The following TMEM230 variants were observed in gnomAD, a reference collection of about 807,000 sequenced individuals.
The protein encoded by TMEM230 is UPF0414 transmembrane protein C20orf30.
Under a neutral mutation model 15.8 loss-of-function variants are expected in TMEM230, and 10 were observed. That is an observed-to-expected ratio of 0.63 (90% CI 0.39 to 1.07). The LOEUF (loss-of-function observed/expected upper bound fraction) is 1.07, where lower values mean the gene tolerates loss of function less well. Ranked by LOEUF, TMEM230 falls within the 50% of genes least tolerant of loss-of-function variation. The pLI is 0.01. For synonymous variants in TMEM230, 67 were observed against 76.9 expected, an observed-to-expected ratio of 0.87 and a Z score of 0.68; for missense variants, 165 against 193.3, an observed-to-expected ratio of 0.85 and a Z score of 0.87.
intron 1 of TMEM230, chr20:5,111,707 A>T: frequency 1.3e-6 from 1 of 787,590 alleles, no homozygotes; most frequent in Non-Finnish European, 1.5e-6. Context: ...TTTCTCTGGG[A>T]TGGCATTTTT....
chr20:5,112,663 A>G, intron 1 of TMEM230: 1 of 1,358,520 alleles, frequency 7.4e-7, no homozygotes. Context: ...CCTGAATGTT[A>G]CGAGAGTTCT....
chr20:5,092,112 C>T (rs928102873), intron 3 of TMEM230, among the ~76,000 whole-genome samples: 1 of 152,176 alleles, frequency 6.6e-6, no homozygotes, highest in Admixed American at 6.6e-5. Flanking sequence ...TCCTAGATTG[C>T]AAAGTCGTAA....
intron 3 of TMEM230, among the ~76,000 whole-genome samples, chr20:5,071,326 T>G (rs2088816533): frequency 6.6e-6 from 1 of 151,900 alleles, no homozygotes; most frequent in Non-Finnish European, 1.5e-5. Flanking sequence ...AATATGCATG[T>G]AAGGGTACAT....
At chr20:5,111,776 A>G in intron 1 of TMEM230, 1 of 982,548 alleles carries the variant, frequency 1.0e-6, no homozygotes, top group Non-Finnish European at 1.2e-6. Flanking sequence ...AGTCTTTGTT[A>G]GATGCCAGCT....
intron 3 of TMEM230, among the ~76,000 whole-genome samples, chr20:5,083,906 G>T (rs1209096115): frequency 6.6e-6 from 1 of 152,152 alleles, no homozygotes; most frequent in Non-Finnish European, 1.5e-5. Context: ...TTTGTTACGT[G>T]GGTAAATTAT....
At chr20:5,082,220 G>A (rs1303725341) in intron 3 of TMEM230, among the ~76,000 whole-genome samples, 1 of 124,708 alleles carries the variant, frequency 8.0e-6, no homozygotes, top group African/African-American at 2.6e-5. Context: ...GGAAAGCCTT[G>A]TTTCTCTCTC....
At chr20:5,109,024 C>G (rs942579880) in intron 3 of TMEM230, 1 of 176,844 alleles carries the variant, frequency 5.7e-6, no homozygotes, top group East Asian at 1.5e-4. Context: ...GAAACAACAA[C>G]AAAAAACTCC....
At chr20:5,090,442 T>C (rs963359443) in intron 3 of TMEM230, among the ~76,000 whole-genome samples, 2 of 152,178 alleles carry the variant, frequency 1.3e-5, no homozygotes, top group African/African-American at 4.8e-5. Flanking sequence ...CTACAGTCAC[T>C]TCCTCCCCTC....
In TMEM230 at chr20:5,100,221, T is replaced by C; in HGVS notation, c.*570A>G. 1.0e-6 allele frequency: 1 copy of C among 985,508 alleles called. No individual in the cohort carries two copies. 61.0% of individuals were successfully genotyped at this position (985,508 alleles called of 1,614,324 possible). ...CAAGGACTGTTAAACAGAGGAAGTA[T>C]TTACATTTTGAAAACTTGCTCTGCA... is the stretch of plus-strand genomic sequence containing the variant. On this transcript the variant is annotated 3_prime_UTR_variant, in exon 5 of 5. Transcript: ENST00000342308.
intron 3 of TMEM230, among the ~76,000 whole-genome samples, chr20:5,089,465 C>T (rs780938946): frequency 6.6e-6 from 1 of 151,452 alleles, no homozygotes; most frequent in Admixed American, 6.6e-5. Flanking sequence ...TTTGGGAGGC[C>T]GTGGTGGGAA....
chr20:5,103,187 T>C (rs1479396135), intron 4 of TMEM230, among the ~76,000 whole-genome samples: 1 of 151,946 alleles, frequency 6.6e-6, no homozygotes, highest in Non-Finnish European at 1.5e-5. Flanking sequence ...GTCAGAGGGG[T>C]GCAGTGGCTA....
chr20:5,101,373 A>G (rs2122722240), intron 4 of TMEM230, among the ~76,000 whole-genome samples: 1 of 152,254 alleles, frequency 6.6e-6, no homozygotes. Flanking sequence ...AGATACCACT[A>G]CAATAAACTC....
At chr20:5,109,223 C>T in intron 3 of TMEM230, 109 bp downstream of exon 2, 2 of 791,400 alleles carry the variant, frequency 2.5e-6, no homozygotes, top group Admixed American at 2.8e-5. Context: ...CTTCTTGTTG[C>T]TCCTTCTAAT....
At chr20:5,106,054 A>G in intron 4 of TMEM230, 134 bp downstream of exon 3, 1 of 1,390,414 alleles carries the variant, frequency 7.2e-7, no homozygotes, top group Non-Finnish European at 9.5e-7. Context: ...CTGTCTCAAA[A>G]AAAACAGACC....
At chr20:5,081,873 C>G (rs9679774) in intron 3 of TMEM230, among the ~76,000 whole-genome samples, 1 of 43,836 alleles carries the variant, frequency 2.3e-5, no homozygotes, top group Non-Finnish European at 6.4e-5. Flanking sequence ...TCTTTTTTTT[C>G]TTTTTTTTTT....
chr20:5,091,410 C>T (rs1482139836), intron 3 of TMEM230, among the ~76,000 whole-genome samples: 1 of 152,100 alleles, frequency 6.6e-6, no homozygotes, highest in Non-Finnish European at 1.5e-5. Flanking sequence ...GGGGTTTCAC[C>T]ACGTTGGTCA....
At chr20:5,062,373 T>TA in the TMEM230 span, among the ~76,000 whole-genome samples, 46,110 of 137,384 alleles carry the variant, frequency 0.34, 7,605 homozygotes, top group Non-Finnish European at 0.37. Context: ...CTGTCTCAAT[T>TA]AAAAAAAAAA....
chr20:5,097,582 G>A (rs781393338), downstream of TMEM230, among the ~76,000 whole-genome samples: 2 of 152,104 alleles, frequency 1.3e-5, no homozygotes, highest in Admixed American at 6.6e-5. Context: ...GTACCTAAAA[G>A]CATTTGGCTG....
downstream of TMEM230, chr20:5,067,410 C>CATATAT (rs60791101): frequency 8.6e-3 from 877 of 101,872 alleles, 6 homozygotes; most frequent in Non-Finnish European, 0.011. Context: ...TGTTTAGGCT[C>CATATAT]ATATATATAT....
Sources: allele counts gnomAD v4.1 joint callset (sites outside exome capture counted in the v4.1 genomes callset), GRCh38; gene constraint gnomAD v4.1.1; transcripts MANE v1.5; gene names NCBI Gene and HGNC (gene_info 2026-07-23, HGNC 2026-07-21).